Variants in RPS6KA3 observed in about 807,000 individuals in gnomAD.
The protein encoded by RPS6KA3 is ribosomal protein S6 kinase A3.
In RPS6KA3, 4 loss-of-function variants were observed where a neutral mutation model predicts 67.2. The ratio of observed to expected loss-of-function variants is 0.06; its 90% CI spans 0.03 to 0.14. The LOEUF (loss-of-function observed/expected upper bound fraction) is 0.14, where lower values mean the gene tolerates loss of function less well. Among genes scored for constraint, RPS6KA3 ranks in the 10% least tolerant of loss-of-function variants. The probability of loss-of-function intolerance (pLI) is 1.00; values close to 1 mark genes in which losing one functional copy is unlikely to be tolerated. For missense variants in RPS6KA3, 204 were observed against 559.0 expected, an observed-to-expected ratio of 0.36 and a Z score of 6.40; for synonymous variants, 182 against 183.7, an observed-to-expected ratio of 0.99 and a Z score of 0.07.
intron 10 of RPS6KA3, among the ~76,000 whole-genome samples, chrX:20,178,481 GTT>G (rs59662504): frequency 1.1e-3 from 97 of 84,370 alleles, no homozygotes; most frequent in African/African-American, 3.4e-3. Context: ...AAACAAATCA[GTT>G]TTTTTTTTTT....
At chrX:20,219,409 A>G (rs1005969030) in intron 2 of RPS6KA3, among the ~76,000 whole-genome samples, 1 of 111,813 alleles carries the variant, frequency 8.9e-6, no homozygotes, top group Non-Finnish European at 1.9e-5. Flanking sequence ...TTTCATAACT[A>G]TAGGTAGAAA....
chrX:20,258,685 T>G, intron 1 of RPS6KA3, among the ~76,000 whole-genome samples: 1 of 112,087 alleles, frequency 8.9e-6, no homozygotes, highest in African/African-American at 3.2e-5. Context: ...CAAAACAAGT[T>G]TTTAAGTTAT....
chrX:20,234,303 C>T (rs954341278), intron 2 of RPS6KA3, among the ~76,000 whole-genome samples: 1 of 111,529 alleles, frequency 9.0e-6, no homozygotes, highest in Non-Finnish European at 1.9e-5. Context: ...CCCATCTCTA[C>T]TAAAATTACA....
At chrX:20,229,947 A>G (rs972820721) in intron 2 of RPS6KA3, among the ~76,000 whole-genome samples, 1 of 112,261 alleles carries the variant, frequency 8.9e-6, no homozygotes, top group Non-Finnish European at 1.9e-5. Context: ...ACCATTTAAC[A>G]TCACAATGGA....
intron 4 of RPS6KA3, among the ~76,000 whole-genome samples, chrX:20,196,229 T>C (rs1411460100): frequency 8.8e-6 from 1 of 113,182 alleles, no homozygotes; most frequent in Non-Finnish European, 1.9e-5. Flanking sequence ...TGAGATTTAC[T>C]ACTGCGCCAA....
chrX:20,235,763 T>C (rs915041888), intron 1 of RPS6KA3, among the ~76,000 whole-genome samples: 11 of 111,480 alleles, frequency 9.9e-5, no homozygotes, highest in African/African-American at 3.3e-4. Flanking sequence ...AGTCCATATT[T>C]TAAAAAAACC....
intron 4 of RPS6KA3, among the ~76,000 whole-genome samples, chrX:20,199,756 A>T (rs181356873): frequency 8.9e-6 from 1 of 112,116 alleles, no homozygotes; most frequent in African/African-American, 3.2e-5. Context: ...AGTAGATTCT[A>T]AAGACTCCCA....
At chrX:20,207,743 T>C (rs1479496110) in intron 3 of RPS6KA3, among the ~76,000 whole-genome samples, 1 of 111,856 alleles carries the variant, frequency 8.9e-6, no homozygotes, top group Non-Finnish European at 1.9e-5. Flanking sequence ...CTTACAACCA[T>C]TACGCTCTGA....
In RPS6KA3 at chrX:20,215,451, G is replaced by A. The variant is rs189642971; in HGVS notation, c.127-6047C>T. Reference sequence around the variant, plus strand: ...GCTCAAGTTTCAAAAACCTGCCACTGTTTTATCCTGAACACGCTTTTCTGT... The same window carrying A: ...GCTCAAGTTTCAAAAACCTGCCACTATTTTATCCTGAACACGCTTTTCTGT... On this transcript the variant is annotated intron_variant, in intron 2 of 21. Coordinates refer to ENST00000379565, the MANE Select transcript of RPS6KA3 (RefSeq NM_004586.3). 5.8e-4 allele frequency among the ~76,000 whole-genome samples: 65 copies of A among 111,916 alleles called. 1 individual carries two copies. The highest frequency in any genetic ancestry group is 3.7e-3 in the South Asian group (10 of 2,720).
intron 4 of RPS6KA3, among the ~76,000 whole-genome samples, chrX:20,199,356 T>C (rs1367160129): frequency 8.9e-6 from 1 of 111,852 alleles, no homozygotes; most frequent in African/African-American, 3.2e-5. Flanking sequence ...TCTGTCTCTT[T>C]CTTAAATGTT....
intron 2 of RPS6KA3, chrX:20,219,068 A>G: frequency 3.1e-6 from 1 of 320,572 alleles, no homozygotes. Context: ...ATAGGTAGGG[A>G]GGCCAGAATA....
Position 20,176,426 on chromosome X carries a change from A to G in RPS6KA3, c.999+8T>C, listed in dbSNP as rs765105456. 5.2e-6 allele frequency: 6 copies of G among 1,163,554 alleles called. No homozygotes were observed. Among genetic ancestry groups the G allele is most frequent in the Non-Finnish European group, 5.9e-6 (5 of 852,317 alleles). Reference sequence around the variant, plus strand: ...AATATTTCAAGCAAGTTTTCATTCTATACTTACATTCCAGTCTATCGTTGA... The same window carrying G: ...AATATTTCAAGCAAGTTTTCATTCTGTACTTACATTCCAGTCTATCGTTGA... On this transcript the variant is annotated splice_region_variant and intron_variant, in intron 12 of 21. Coordinates refer to ENST00000379565, the MANE Select transcript of RPS6KA3 (RefSeq NM_004586.3).
chrX:20,175,387 T>C, intron 13 of RPS6KA3, 99 bp from the exon 14 acceptor site: 6 of 886,484 alleles, frequency 6.8e-6, no homozygotes, highest in Non-Finnish European at 9.7e-6. Context: ...TGGAATTCTA[T>C]TTCTCAGGTA....
chrX:20,219,636 T>C (rs12835513), intron 2 of RPS6KA3, among the ~76,000 whole-genome samples: 1 of 111,492 alleles, frequency 9.0e-6, no homozygotes, highest in East Asian at 2.8e-4. Flanking sequence ...ATTAGCAAAA[T>C]GAAACACTTA....
At chrX:20,230,891 CA>C (rs2069245574) in intron 2 of RPS6KA3, among the ~76,000 whole-genome samples, 1 of 111,543 alleles carries the variant, frequency 9.0e-6, no homozygotes, top group African/African-American at 3.3e-5. Context: ...TATGACATAA[CA>C]AAGACTATAC....
At chrX:20,161,606 T>C in intron 20 of RPS6KA3, 38 bp downstream of exon 20, 1 of 746,656 alleles carries the variant, frequency 1.3e-6, no homozygotes, top group South Asian at 2.2e-5. Context: ...CATAAAAAGT[T>C]ATTTTCTCAA....
At chrX:20,238,389 T>A (rs1603430661) in intron 1 of RPS6KA3, among the ~76,000 whole-genome samples, 2 of 111,533 alleles carry the variant, frequency 1.8e-5, no homozygotes, top group South Asian at 7.3e-4. Flanking sequence ...AACCACACCC[T>A]GCATACCTGT....
intron 3 of RPS6KA3, among the ~76,000 whole-genome samples, chrX:20,208,166 C>T (rs2068617848): frequency 9.0e-6 from 1 of 110,676 alleles, no homozygotes; most frequent in Non-Finnish European, 1.9e-5. Context: ...GAGTGCACAA[C>T]CTAGATCCCT....
intron 1 of RPS6KA3, among the ~76,000 whole-genome samples, chrX:20,244,613 T>C (rs1329958252): frequency 7.1e-5 from 8 of 112,234 alleles, no homozygotes; most frequent in African/African-American, 1.9e-4. Context: ...TACAAGATCA[T>C]AGAGCTATTA....
Sources: gnomAD v4.1 joint callset for allele counts (sites outside exome capture counted in the v4.1 genomes callset) on GRCh38, gnomAD v4.1.1 for gene constraint, MANE v1.5 for transcripts, NCBI Gene and HGNC (gene_info 2026-07-23, HGNC 2026-07-21) for gene names.